The following FBN3 variants were observed in gnomAD, a reference collection of about 807,000 sequenced individuals.
FBN3 encodes fibrillin 3.
FBN3 carries 234 observed loss-of-function variants against 330.1 expected under a neutral mutation model. The ratio of observed to expected loss-of-function variants is 0.71; its 90% confidence interval spans 0.64 to 0.79. The LOEUF (loss-of-function observed/expected upper bound fraction) is 0.79. Among genes scored for constraint, FBN3 ranks in the 30% least tolerant of loss-of-function variants. The probability of loss-of-function intolerance (pLI) is 0.00; values close to 1 mark genes in which losing one functional copy is unlikely to be tolerated. For synonymous variants in FBN3, 1,458 were observed against 1,517.3 expected (o/e 0.96, Z 0.91); for missense variants, 3,606 against 3,886.9 (o/e 0.93, Z 1.92).
At chr19:8,146,861 G>A (rs981452737) in intron 3 of FBN3, among the ~76,000 whole-genome samples, 1 of 127,632 alleles carries the variant, frequency 7.8e-6, no homozygotes, top group Non-Finnish European at 1.6e-5. Flanking sequence ...GATGAATAGA[G>A]AGAGGCAGAG....
At chr19:8,139,175 A>C (rs1347970750) in intron 8 of FBN3, among the ~76,000 whole-genome samples, 1 of 151,670 alleles carries the variant, frequency 6.6e-6, no homozygotes, top group Non-Finnish European at 1.5e-5. Context: ...GACGAAACCC[A>C]GTCTCTACTA....
rs2082521412 is a variant in FBN3, at chr19:8,109,267, A to G, written c.4578T>C (p.Ala1526=). 9 of 1,614,164 alleles carry G rather than the reference A, an allele frequency of 5.6e-6. No individual in the cohort carries two copies. Among genetic ancestry groups the G allele is most frequent in the African/African-American group, 1.3e-5 (1 of 75,044 alleles). Residue 1526 remains alanine (A), a synonymous_variant, in exon 36 of 64, where the codon GCT becomes GCC. Transcript: ENST00000600128. This position sits in a 1 kb window ranked among gnomAD's most constrained non-coding sequence, Gnocchi z 5.2. ...RASCCCSLGR[A]WGNPCELCPM... Reference sequence around the variant, plus strand: ...GGCACAGCTCACAGGGATTGCCCCAAGCCCGGCCCAGGGAGCAACAGCAGG... The same window carrying G: ...GGCACAGCTCACAGGGATTGCCCCAGGCCCGGCCCAGGGAGCAACAGCAGG...
Position 8,088,184 on chromosome 19 carries a change from G to A in FBN3, c.6377-5C>T, listed in dbSNP as rs1053007177. On this transcript the variant is annotated splice_polypyrimidine_tract_variant and splice_region_variant and intron_variant, in intron 51 of 63. Coordinates refer to ENST00000600128, the MANE Select transcript of FBN3 (RefSeq NM_032447.5). ...CGACAGAGCACTCGTCTGTGTCTGG[G>A]TGGGAGTAAGGGGGTGGTCAGCACC... 6.3e-7 allele frequency: 1 copy of A among 1,589,692 alleles called. No homozygotes were observed. The highest frequency in any genetic ancestry group is 8.6e-7 in the Non-Finnish European group (1 of 1,166,030).
intron 6 of FBN3, among the ~76,000 whole-genome samples, chr19:8,142,831 C>T (rs2083445003): frequency 6.7e-6 from 1 of 150,350 alleles, no homozygotes; most frequent in African/African-American, 2.5e-5. Flanking sequence ...TGCCCCAAGC[C>T]AAAACGTAAT....
chr19:8,137,871 T>C (rs917636585), intron 10 of FBN3, among the ~76,000 whole-genome samples: 2 of 152,042 alleles, frequency 1.3e-5, no homozygotes, highest in African/African-American at 4.8e-5. Flanking sequence ...CAAGTGATCC[T>C]TCCACCTCGG....
chr19:8,105,123 T>G (rs2082410773), intron 38 of FBN3, among the ~76,000 whole-genome samples: 1 of 151,228 alleles, frequency 6.6e-6, no homozygotes, highest in Admixed American at 6.6e-5. Context: ...CCCGGCTAAT[T>G]TTTGTATTTT....
intron 24 of FBN3, among the ~76,000 whole-genome samples, chr19:8,122,389 C>T (rs988972051): frequency 1.6e-3 from 238 of 152,210 alleles, no homozygotes; most frequent in African/African-American, 5.3e-3. Context: ...ATATTTGAGA[C>T]ACAGTCTCGT....
At chr19:8,143,050 C>A (rs1303684332) in intron 6 of FBN3, among the ~76,000 whole-genome samples, 1 of 152,136 alleles carries the variant, frequency 6.6e-6, no homozygotes, top group African/African-American at 2.4e-5. Context: ...CACCCAGATG[C>A]CTCTGCATCT....
At chr19:8,134,859 G>A (rs1193918711) in intron 13 of FBN3, among the ~76,000 whole-genome samples, 4 of 151,366 alleles carry the variant, frequency 2.6e-5, no homozygotes, top group South Asian at 2.1e-4. Context: ...ACTTGAACCC[G>A]GGCAGCAGAG....
At chr19:8,084,153 A>G (rs2081879179) in intron 56 of FBN3, among the ~76,000 whole-genome samples, 1 of 152,096 alleles carries the variant, frequency 6.6e-6, no homozygotes, top group African/African-American at 2.4e-5. Context: ...TCTCACTATC[A>G]GTGACACACT....
intron 6 of FBN3, among the ~76,000 whole-genome samples, chr19:8,143,747 C>A (rs1412036680): frequency 1.3e-5 from 2 of 151,014 alleles, no homozygotes; most frequent in African/African-American, 2.4e-5. Flanking sequence ...CCCGCCTCGG[C>A]CTCCCAAAAT....
Position 8,117,552 on chromosome 19 carries a change from G to T in FBN3, c.3375C>A (p.Pro1125=). The change falls in exon 27 of 64, where the codon CCC becomes CCA. Residue 1125 remains proline, a synonymous_variant. Coordinates refer to ENST00000600128, the MANE Select transcript of FBN3 (RefSeq NM_032447.5). The part of the protein sequence containing the change: ...DECSLSDGLC[P]HGQCVNVIGA... Reference sequence around the variant, plus strand: ...CGATGACATTGACACACTGGCCATGGGGACACAGGCCATCACTCAGGGAGC... The same window carrying T: ...CGATGACATTGACACACTGGCCATGTGGACACAGGCCATCACTCAGGGAGC... 1 of 1,557,342 alleles carries T rather than the reference G, an allele frequency of 6.4e-7. No individual in the cohort carries two copies. Among genetic ancestry groups the T allele is most frequent in the East Asian group, 2.4e-5 (1 of 41,372 alleles).
chr19:8,125,375 CTGCACTCCTG>C (rs1195262226), intron 22 of FBN3, among the ~76,000 whole-genome samples: 1 of 151,804 alleles, frequency 6.6e-6, no homozygotes. Context: ...GATTGCGCCA[CTGCACTCCTG>C]CCTGGGTGAC....
chr19:8,122,460 G>C (rs368588366), intron 24 of FBN3, among the ~76,000 whole-genome samples: 1 of 152,034 alleles, frequency 6.6e-6, no homozygotes, highest in African/African-American at 2.4e-5. Context: ...TCCGCCTCCC[G>C]GGTTCAAGTG....
At position 8,073,269 on chromosome 19, in the gene FBN3, G is replaced by C. The variant is rs756551000; in HGVS notation, c.7731C>G (p.Pro2577=). 5.6e-6 allele frequency: 9 copies of C among 1,613,750 alleles called. No individual in the cohort carries two copies. The Admixed American group carries it at 6.7e-5, about 12-fold the overall frequency. ...VDENECALSP[P]TCGSASCRNT... ...TGCGACAGGAGGCGCTCCCGCAGGT[G>C]GGGGGCGACAGGGCACACTCATTCT... is the stretch of plus-strand genomic sequence containing the variant. Residue 2577 remains proline, a synonymous_variant, in exon 62 of 64, where the codon CCC becomes CCG. Transcript: ENST00000600128.
intron 30 of FBN3, 97 bp downstream of exon 30, chr19:8,115,418 T>C (rs1013067969): frequency 2.1e-6 from 3 of 1,408,198 alleles, no homozygotes; most frequent in African/African-American, 2.8e-5. Flanking sequence ...GAATGAATTC[T>C]GGCTGTGCTC....
At chr19:8,135,936 G>GGGGGGGGGGGGCCCCCCCCCC in intron 13 of FBN3, 25 bp downstream of exon 13, 5 of 668,716 alleles carry the variant, frequency 7.5e-6, no homozygotes, top group Non-Finnish European at 1.2e-5. Flanking sequence ...GGAAGCCCCT[G>GGGGGGGGGGGGCCCCCCCCCC]CCCACCCGCC....
chr19:8,086,996 G>A (rs1327758346), intron 54 of FBN3, 81 bp downstream of exon 54: 34 of 1,510,460 alleles, frequency 2.3e-5, no homozygotes, highest in Middle Eastern at 3.5e-4. Context: ...ATGAGTCACC[G>A]TGCCCGGTCC....
At position 8,130,635 on chromosome 19, in the gene FBN3, A is replaced by AGGAAG. The variant is rs764420258; in HGVS notation, c.2044+599_2044+600insCTTCC. ...AAGAAAGAAAGAAAGAAAGAAAGAAAGAAAGAAAGGAAAGGAAAGGAAAGG... is the reference window on the plus strand; with the variant it reads ...AAGAAAGAAAGAAAGAAAGAAAGAAAGGAAGGAAAGAAAGGAAAGGAAAGGAAAGG... On this transcript the variant is annotated intron_variant, in intron 16 of 63. Transcript: ENST00000600128. Among the ~76,000 whole-genome samples, 5 of 4,898 alleles carry AGGAAG rather than the reference A, an allele frequency of 1.0e-3. 1 individual carries two copies. Among genetic ancestry groups the AGGAAG allele is most frequent in the Admixed American group, 7.5e-3 (4 of 534 alleles). 3.2% of individuals were successfully genotyped at this position (4,898 alleles called of 152,430 possible).
Sources: allele counts gnomAD v4.1 joint callset (sites outside exome capture counted in the v4.1 genomes callset), GRCh38; gene constraint gnomAD v4.1.1; non-coding constraint Gnocchi (gnomAD v3.1); transcripts MANE v1.5; gene names NCBI Gene and HGNC (gene_info 2026-07-23, HGNC 2026-07-21).